The following KCNMB1 variants were observed in gnomAD, a reference collection of about 807,000 sequenced individuals.
The protein encoded by KCNMB1 is potassium calcium-activated channel subfamily M regulatory beta subunit 1.
A neutral mutation model predicts 21.7 loss-of-function variants in KCNMB1; 22 were observed. That is an observed-to-expected ratio of 1.01 (90% confidence interval 0.72 to 1.45). KCNMB1 has a LOEUF of 1.45. Ranked by LOEUF, KCNMB1 falls within the 40% of genes most tolerant of loss-of-function variation. The pLI, the probability that KCNMB1 is intolerant of heterozygous loss-of-function variation, is 0.00. For synonymous variants in KCNMB1, 114 were observed against 107.6 expected, an observed-to-expected ratio of 1.06 and a Z score of -0.37; for missense variants, 243 against 243.4, an observed-to-expected ratio of 1.00 and a Z score of 0.01.
In KCNMB1 at chr5:170,385,284, G is replaced by C. The variant is rs45477597; in HGVS notation, c.134+30C>G. 2,371 of 1,613,548 alleles carry C rather than the reference G, an allele frequency of 1.5e-3. 30 individuals are homozygous for C. In the African/African-American group the frequency reaches 0.029, roughly 19 times the overall value. On this transcript the variant is annotated intron_variant, in intron 2 of 3. Transcript: ENST00000274629. ...ATGCCAGACCCTTAGGAGAGGGTTG[G>C]GGGGTGGGCAGGCCGGGAGAGCTCA...
chr5:170,385,366 C>T lies in KCNMB1; in HGVS notation c.82G>A (p.Val28Ile), dbSNP rs756616526. The change falls in exon 2 of 4, where the codon GTC (valine) becomes ATC (isoleucine). Residue 28 changes from valine (V) to isoleucine (I), a missense_variant. Transcript: ENST00000274629. ...CLGVTMVVCA[V>I]ITYYILVTTV... ...GTGACCAGGATGTAGTAGGTGATGA[C>T]GGCACACACCACCATGGTTACACCC... is the stretch of plus-strand genomic sequence containing the variant. 171 of 1,613,940 alleles carry T rather than the reference C, an allele frequency of 1.1e-4. No individual in the cohort carries two copies. The highest frequency in any genetic ancestry group is 1.5e-4 in the Admixed American group (9 of 60,002).
intron 1 of KCNMB1, among the ~76,000 whole-genome samples, chr5:170,388,814 C>G (rs2113355275): frequency 6.6e-6 from 1 of 152,286 alleles, no homozygotes; most frequent in Admixed American, 6.5e-5. Context: ...AGATCAAATG[C>G]CATATTGAGT....
intron 1 of KCNMB1, among the ~76,000 whole-genome samples, chr5:170,388,023 C>CA (rs1365673849): frequency 6.7e-6 from 1 of 149,524 alleles, no homozygotes; most frequent in East Asian, 2.0e-4. Context: ...AATCAGCCCC[C>CA]CCCAGCGCCC....
In KCNMB1 at chr5:170,378,857, C is replaced by T; in HGVS notation, c.423G>A (p.Gly141=). ...GCTGGAATAGGACGCTGGTTTCGTT[C>T]CCCCGAGGTGCGGAGAAGCAGTAGA... ...QVFYCFSAPR[G]NETSVLFQRL... The change falls in exon 4 of 4, where the codon GGG becomes GGA. Residue 141 remains glycine, a synonymous_variant. Coordinates refer to ENST00000274629, the MANE Select transcript of KCNMB1 (RefSeq NM_004137.4). 6.2e-7 allele frequency: 1 copy of T among 1,614,258 alleles called. No individual in the cohort carries two copies. Among genetic ancestry groups the T allele is most frequent in the Non-Finnish European group, 8.5e-7 (1 of 1,180,048 alleles).
intron 2 of KCNMB1, among the ~76,000 whole-genome samples, chr5:170,384,820 T>G (rs1057147371): frequency 5.9e-5 from 9 of 152,258 alleles, no homozygotes; most frequent in Non-Finnish European, 2.9e-5. Context: ...AAGCAGATGC[T>G]GGCTCAATGC....
intron 1 of KCNMB1, among the ~76,000 whole-genome samples, chr5:170,386,002 A>T (rs796836309): frequency 2.6e-5 from 4 of 151,934 alleles, no homozygotes; most frequent in African/African-American, 9.6e-5. Flanking sequence ...CGTGGGAGCC[A>T]GTAGTCCCAG....
At position 170,383,957 on chromosome 5, in the gene KCNMB1, C is replaced by T. The variant is rs74820595; in HGVS notation, c.135-107G>A. On this transcript the variant is annotated intron_variant, in intron 2 of 3. Coordinates refer to ENST00000274629, the MANE Select transcript of KCNMB1 (RefSeq NM_004137.4). ...TGGGAGCCTCTAGAGGGATCCAGGA[C>T]TGGGATCCTCATCTTGTCTTCAGCA... The T allele has an allele frequency of 8.0e-4, 928 of 1,161,340 alleles. 5 individuals carry two copies. The African/African-American group carries it at 0.013, about 16-fold the overall frequency. The allele number at this position is 1,161,340 out of a possible 1,614,324, so 71.9% of individuals were successfully genotyped here.
At position 170,385,189 on chromosome 5, in the gene KCNMB1, T is replaced by C; in HGVS notation, c.134+125A>G. On this transcript the variant is annotated intron_variant, in intron 2 of 3. Transcript: ENST00000274629. ...GAACCCTAGAACCTAAGAATGAGCA[T>C]CGTCTTGACCCTGCTGCCTTGAATG... The C allele has an allele frequency of 2.9e-6, 3 of 1,036,480 alleles. No homozygotes were observed. The South Asian group carries it at 4.3e-5, about 15-fold the overall frequency. 64.2% of individuals were successfully genotyped at this position (1,036,480 alleles called of 1,614,324 possible).
At chr5:170,384,546 A>G (rs923051501) in intron 2 of KCNMB1, among the ~76,000 whole-genome samples, 1 of 152,180 alleles carries the variant, frequency 6.6e-6, no homozygotes, top group Admixed American at 6.5e-5. Flanking sequence ...TCATCAACAT[A>G]TTAGTAAATC....
rs1448892036 is a variant in KCNMB1, at chr5:170,378,124, T to C, written c.*580A>G. On this transcript the variant is annotated 3_prime_UTR_variant, in exon 4 of 4. Coordinates refer to ENST00000274629, the MANE Select transcript of KCNMB1 (RefSeq NM_004137.4). ...CAGAAATTAACCACCATCCCACCGC[T>C]AAAATTTTGATGAGTTCTCATGTGT... The C allele has an allele frequency of 1.3e-5, 2 of 152,226 alleles. No homozygotes were observed. Among genetic ancestry groups the C allele is most frequent in the Non-Finnish European group, 2.9e-5 (2 of 68,046 alleles). The allele number at this position is 152,226 out of a possible 1,614,324, so 9.4% of individuals were successfully genotyped here.
At chr5:170,385,149 A>G (rs1024271272) in intron 2 of KCNMB1, among the ~76,000 whole-genome samples, 165 bp downstream of exon 2, 1 of 151,962 alleles carries the variant, frequency 6.6e-6, no homozygotes, top group Non-Finnish European at 1.5e-5. Context: ...AGTTCATCCT[A>G]CCTTCCCTGC....
chr5:170,388,039 CATG>C (rs1764556245), intron 1 of KCNMB1, among the ~76,000 whole-genome samples: 1 of 152,220 alleles, frequency 6.6e-6, no homozygotes. Context: ...CGCCCAGGGC[CATG>C]GCCTCCTCTG....
Position 170,385,458 on chromosome 5 carries a change from G to A in KCNMB1, c.-11C>T, listed in dbSNP as rs1273325134. 1 of 1,614,078 alleles carries A rather than the reference G, an allele frequency of 6.2e-7. No individual in the cohort carries two copies. The highest frequency in any genetic ancestry group is 2.2e-5 in the East Asian group (1 of 44,870). ...CAGCTTCTTCACCATATTCACTGGG[G>A]GCAGTGATCATTTCTAGGTCCACAG... is the stretch of plus-strand genomic sequence containing the variant. On this transcript the variant is annotated 5_prime_UTR_variant, in exon 2 of 4. Transcript: ENST00000274629.
At chr5:170,387,431 T>A (rs1284104620) in intron 1 of KCNMB1, among the ~76,000 whole-genome samples, 69 of 152,240 alleles carry the variant, frequency 4.5e-4, no homozygotes, top group African/African-American at 1.6e-3. Context: ...GCTGCCCTCA[T>A]ACCCGGGCAT....
chr5:170,384,518 C>T (rs778531441), intron 2 of KCNMB1, among the ~76,000 whole-genome samples: 7 of 152,132 alleles, frequency 4.6e-5, no homozygotes, highest in Admixed American at 1.3e-4. Flanking sequence ...GCAGCAGGCC[C>T]GGGAGAGGCT....
intron 2 of KCNMB1, among the ~76,000 whole-genome samples, chr5:170,384,260 A>G (rs1764375873): frequency 6.6e-6 from 1 of 152,108 alleles, no homozygotes. Flanking sequence ...TCTTATCCAT[A>G]TCGTCTTCAT....
chr5:170,388,018 G>GCC (rs3838244), intron 1 of KCNMB1, among the ~76,000 whole-genome samples: 4 of 148,796 alleles, frequency 2.7e-5, no homozygotes, highest in South Asian at 2.1e-4. Context: ...TGGCTAATCA[G>GCC]CCCCCCCCAG....
chr5:170,378,691 T>C lies in KCNMB1; in HGVS notation c.*13A>G. ...CTGTGCCCTGACAAGTGGTATGGCATGGATGGATGGCTCTACTTCTGGGCC... is the reference window on the plus strand; with the variant it reads ...CTGTGCCCTGACAAGTGGTATGGCACGGATGGATGGCTCTACTTCTGGGCC... On this transcript the variant is annotated 3_prime_UTR_variant, in exon 4 of 4. Coordinates refer to ENST00000274629, the MANE Select transcript of KCNMB1 (RefSeq NM_004137.4). 7 of 1,599,682 alleles carry C rather than the reference T, an allele frequency of 4.4e-6. No homozygotes were observed. The highest frequency in any genetic ancestry group is 4.3e-6 in the Non-Finnish European group (5 of 1,173,406).
chr5:170,385,764 AG>A (rs1241723668), intron 1 of KCNMB1, among the ~76,000 whole-genome samples: 29 of 152,094 alleles, frequency 1.9e-4, no homozygotes, highest in Admixed American at 4.6e-4. Flanking sequence ...TCTATGTTCT[AG>A]TCTCTGGAAG....
Sources: allele counts gnomAD v4.1 joint callset (sites outside exome capture counted in the v4.1 genomes callset), GRCh38; gene constraint gnomAD v4.1.1; transcripts MANE v1.5; gene names NCBI Gene and HGNC (gene_info 2026-07-23, HGNC 2026-07-21).